DCAKD: variants seen among roughly 807,000 people sequenced by gnomAD.
The protein encoded by DCAKD is dephospho-CoA kinase domain containing.
A neutral mutation model predicts 18.7 loss-of-function variants in DCAKD; 15 were observed. That is an observed-to-expected ratio of 0.80 (90% confidence interval 0.54 to 1.24). The LOEUF is 1.24. DCAKD is among the 50% of genes most tolerant of loss of function. The pLI, the probability that DCAKD is intolerant of heterozygous loss-of-function variation, is 0.00. For missense variants in DCAKD, 301 were observed against 322.0 expected (o/e 0.93, Z 0.50); for synonymous variants, 130 against 133.0 (o/e 0.98, Z 0.16).
chr17:45,044,916 C>T (rs578153464), intron 1 of DCAKD, among the ~76,000 whole-genome samples: 3 of 152,040 alleles, frequency 2.0e-5, no homozygotes, highest in Non-Finnish European at 2.9e-5. Flanking sequence ...CAATGGACAG[C>T]GAGAGAAATG....
intron 1 of DCAKD, among the ~76,000 whole-genome samples, chr17:45,047,384 G>A (rs1460466706): frequency 6.6e-6 from 1 of 151,968 alleles, no homozygotes; most frequent in Non-Finnish European, 1.5e-5. Context: ...CTAGGCTCAG[G>A]TGATCCTGCC....
chr17:45,028,072 G>C (rs1220845267), intron 4 of DCAKD, among the ~76,000 whole-genome samples: 1 of 149,824 alleles, frequency 6.7e-6, no homozygotes, highest in African/African-American at 2.5e-5. Context: ...TGCACATGCA[G>C]GTGTCGGCCC....
At chr17:45,025,337 T>C (rs2053032036) in intron 4 of DCAKD, among the ~76,000 whole-genome samples, 1 of 152,182 alleles carries the variant, frequency 6.6e-6, no homozygotes, top group African/African-American at 2.4e-5. Context: ...ACTGATGATG[T>C]GGGACAGACA....
At chr17:45,054,930 A>G (rs2143410560), upstream of DCAKD, among the ~76,000 whole-genome samples, 3 of 152,242 alleles carry the variant, frequency 2.0e-5, no homozygotes, top group Middle Eastern at 0.01. Context: ...ATAACTATTC[A>G]TGTACAAGTG....
chr17:45,033,081 C>T (rs1360188493), intron 3 of DCAKD, among the ~76,000 whole-genome samples: 1 of 152,172 alleles, frequency 6.6e-6, no homozygotes, highest in Non-Finnish European at 1.5e-5. Flanking sequence ...TGTGGTGGCT[C>T]ATGCCTGTAA....
chr17:45,025,247 T>C (rs1341523362), intron 4 of DCAKD, among the ~76,000 whole-genome samples: 6 of 152,004 alleles, frequency 3.9e-5, no homozygotes, highest in Non-Finnish European at 8.8e-5. Context: ...AGAGACCCCC[T>C]CTCCTTGCTG....
chr17:45,045,929 G>A (rs911983173), intron 1 of DCAKD, among the ~76,000 whole-genome samples: 4 of 151,806 alleles, frequency 2.6e-5, no homozygotes, highest in South Asian at 2.1e-4. Context: ...GGGTTAAAGC[G>A]ATTCTCCTGC....
chr17:45,042,615 G>A (rs1328938732), intron 1 of DCAKD, among the ~76,000 whole-genome samples: 1 of 152,186 alleles, frequency 6.6e-6, no homozygotes, highest in Non-Finnish European at 1.5e-5. Context: ...TTCCTGCCTT[G>A]GGACCCAATT....
At chr17:45,041,718 A>G (rs2053441008) in intron 1 of DCAKD, among the ~76,000 whole-genome samples, 1 of 152,002 alleles carries the variant, frequency 6.6e-6, no homozygotes, top group African/African-American at 2.4e-5. Flanking sequence ...GTGTCAACCA[A>G]TCAGACACCA....
chr17:45,057,375 G>A (rs2053793065), intron 1 of DCAKD, among the ~76,000 whole-genome samples: 1 of 151,580 alleles, frequency 6.6e-6, no homozygotes, highest in Non-Finnish European at 1.5e-5. Context: ...GGCAGAACCG[G>A]GCCAGCTTTT....
rs1013097807 is a variant in DCAKD, at chr17:45,024,650, T to C, written c.479A>G (p.Asn160Ser). The C allele has an allele frequency of 2.2e-5, 36 of 1,612,824 alleles. No individual in the cohort carries two copies. Among genetic ancestry groups the C allele is most frequent in the Non-Finnish European group, 2.9e-5 (34 of 1,179,034 alleles). The change falls in exon 5 of 5, where the codon AAT (asparagine) becomes AGT (serine). Residue 160 changes from asparagine (N) to serine (S), a missense_variant. Physicochemically the swap from Asn to Ser is conservative, Grantham distance 46. Transcript: ENST00000651974. ...LNRKDAEARI[N>S]AQLPLTDKAR... ...CTTGTCTGTCAGGGGCAGCTGGGCA[T>C]TGATGCGGGCCTCTGCGTCCTTGCG...
chr17:45,060,206 CAG>C lies in DCAKD; in HGVS notation c.-118+680_-118+681del, dbSNP rs374908333. On this transcript the variant is annotated intron_variant, in intron 1 of 4. Coordinates refer to the DCAKD transcript ENST00000310604. Reference sequence around the variant, plus strand: ...AGATAATGTACGAAATGCCTTACTACAGAGTCTGGCACTTATTAAAGAAAGAG... The same window carrying C: ...AGATAATGTACGAAATGCCTTACTACAGTCTGGCACTTATTAAAGAAAGAG... Among the ~76,000 whole-genome samples the C allele has an allele frequency of 1.6e-3, 249 of 152,270 alleles. 4 individuals carry two copies. The highest frequency in any genetic ancestry group is 5.8e-3 in the African/African-American group (243 of 41,564).
At chr17:45,058,207 G>A (rs924169908) in intron 1 of DCAKD, among the ~76,000 whole-genome samples, 5 of 151,368 alleles carry the variant, frequency 3.3e-5, no homozygotes, top group African/African-American at 9.7e-5. Flanking sequence ...CCCAGCTACC[G>A]GGGAGGCTGA....
chr17:45,048,348 A>G (rs770170067), intron 1 of DCAKD, among the ~76,000 whole-genome samples: 1 of 151,960 alleles, frequency 6.6e-6, no homozygotes, highest in Non-Finnish European at 1.5e-5. Context: ...CTCTACTAAT[A>G]ATACAAAAAT....
chr17:45,037,562 G>A (rs994446469), intron 1 of DCAKD, among the ~76,000 whole-genome samples: 1 of 151,340 alleles, frequency 6.6e-6, no homozygotes, highest in African/African-American at 2.4e-5. Context: ...AGGTTCAAGC[G>A]ATTCTCCTGC....
rs758239463 is a variant in DCAKD at position 45,024,688 on chromosome 17, C to T, written c.441G>A (p.Arg147=). 1 of 1,597,060 alleles carries T rather than the reference C, an allele frequency of 6.3e-7. No individual in the cohort carries two copies. The highest frequency in any genetic ancestry group is 8.6e-7 in the Non-Finnish European group (1 of 1,167,392). ...CTGCGTCCTTGCGGTTCAGGCTGTT[C>T]CGCCGCATCAGCCGTGCCAGCTGTG... ...RDTQLARLMR[R]NSLNRKDAEA... Residue 147 remains arginine, a synonymous_variant, in exon 5 of 5, where the codon CGG becomes CGA. Transcript: ENST00000651974.
intron 3 of DCAKD, chr17:45,031,751 C>T: frequency 1.0e-6 from 1 of 985,466 alleles, no homozygotes; most frequent in African/African-American, 1.7e-5. Context: ...ATTCAGCTGT[C>T]ACATCCCTCC....
intron 1 of DCAKD, among the ~76,000 whole-genome samples, chr17:45,056,921 C>A (rs2053786915): frequency 6.6e-6 from 1 of 152,060 alleles, no homozygotes; most frequent in Non-Finnish European, 1.5e-5. Flanking sequence ...ACGCCCGCCA[C>A]CACGTCTGGC....
At chr17:45,040,255 C>T (rs1424031171) in intron 1 of DCAKD, among the ~76,000 whole-genome samples, 2 of 150,020 alleles carry the variant, frequency 1.3e-5, no homozygotes, top group Non-Finnish European at 3.0e-5. Flanking sequence ...GGCATGGTGG[C>T]GCATGCCTGT....
Sources: allele counts gnomAD v4.1 joint callset (sites outside exome capture counted in the v4.1 genomes callset), GRCh38; gene constraint gnomAD v4.1.1; transcripts MANE v1.5; gene names NCBI Gene and HGNC (gene_info 2026-07-23, HGNC 2026-07-21).